LYRM4: variants seen among roughly 807,000 people sequenced by gnomAD.
LYRM4 encodes LYR motif-containing protein 4.
LYRM4 carries 9 observed loss-of-function variants against 11.7 expected under a neutral mutation model. The observed-to-expected ratio is 0.77, with a 90% CI of 0.46 to 1.34. The LOEUF is 1.34. Ranked by LOEUF, LYRM4 falls within the 40% of genes most tolerant of loss-of-function variation. The probability of loss-of-function intolerance (pLI) is 0.00; values close to 1 mark genes in which losing one functional copy is unlikely to be tolerated. For synonymous variants in LYRM4, 42 were observed against 40.4 expected (o/e 1.04, Z -0.15); for missense variants, 133 against 112.5 (o/e 1.18, Z -0.82).
In LYRM4 at chr6:5,260,587, C is replaced by T. The variant is rs1765001128; in HGVS notation, c.86+61G>A. ...TCCCCGGGGATATTCCGCGTCAGCC[C>T]GCACCCCCGGTCCCCGGCCCCTGGC... On this transcript the variant is annotated intron_variant, in intron 1 of 2. Coordinates refer to ENST00000330636, the MANE Select transcript of LYRM4 (RefSeq NM_020408.6). 32 of 1,303,588 alleles carry T rather than the reference C, an allele frequency of 2.5e-5. 2 individuals carry two copies. In the South Asian group the frequency reaches 3.9e-4, roughly 16 times the overall value. The allele number at this position is 1,303,588 out of a possible 1,614,324, so 80.8% of individuals were successfully genotyped here.
intron 1 of LYRM4, among the ~76,000 whole-genome samples, chr6:5,218,883 A>G (rs939463640): frequency 7.2e-5 from 11 of 152,250 alleles, no homozygotes; most frequent in African/African-American, 4.8e-5. Flanking sequence ...CCTAATGGCT[A>G]TTTATAAAAC....
the LYRM4 span, among the ~76,000 whole-genome samples, chr6:5,080,913 G>C: frequency 6.6e-6 from 1 of 152,128 alleles, no homozygotes; most frequent in Admixed American, 6.5e-5. Flanking sequence ...TGCAAATAGA[G>C]AAGAGACAAG....
At chr6:5,034,770 T>TTTTTTTTTTTTTTTTTTTTTTTTC in the LYRM4 span, 7 of 141,102 alleles carry the variant, frequency 5.0e-5, 1 homozygote, top group African/African-American at 1.9e-4. Context: ...TTTTTTTTTT[T>TTTTTTTTTTTTTTTTTTTTTTTTC]CAAAAAGCGT....
intron 2 of LYRM4, among the ~76,000 whole-genome samples, chr6:5,199,838 C>T (rs1442109694): frequency 6.6e-6 from 1 of 152,160 alleles, no homozygotes; most frequent in African/African-American, 2.4e-5. Context: ...TCCCAACAGC[C>T]ATTGCCTTGT....
At chr6:5,080,629 A>T in the LYRM4 span, among the ~76,000 whole-genome samples, 14 of 152,196 alleles carry the variant, frequency 9.2e-5, no homozygotes, top group Admixed American at 8.5e-4. Context: ...CAGCTGAAAC[A>T]TTTGGTAATT....
At chr6:5,086,836 G>A in the LYRM4 span, 1 of 495,544 alleles carries the variant, frequency 2.0e-6, no homozygotes, top group East Asian at 3.4e-5. Flanking sequence ...TTCCCAGCCT[G>A]CGTCAGAATA....
intron 2 of LYRM4, among the ~76,000 whole-genome samples, chr6:5,184,202 T>C (rs1306153492): frequency 1.3e-5 from 2 of 152,176 alleles, no homozygotes; most frequent in Non-Finnish European, 2.9e-5. Flanking sequence ...TTAACGATAA[T>C]GATCCCGAGA....
At chr6:5,125,234 G>C (rs1561813183) in intron 2 of LYRM4, among the ~76,000 whole-genome samples, 1 of 152,196 alleles carries the variant, frequency 6.6e-6, no homozygotes, top group Admixed American at 6.5e-5. Flanking sequence ...AACCTCCAGT[G>C]GTTTCTAGGA....
At chr6:5,207,783 T>C (rs1227999181) in intron 2 of LYRM4, among the ~76,000 whole-genome samples, 13 of 152,334 alleles carry the variant, frequency 8.5e-5, no homozygotes, top group African/African-American at 2.9e-4. Flanking sequence ...TTTTCTGATA[T>C]GTGATAAAGG....
At chr6:5,060,764 A>G in the LYRM4 span, among the ~76,000 whole-genome samples, 501 of 152,164 alleles carry the variant, frequency 3.3e-3, no homozygotes, top group African/African-American at 4.3e-3. Context: ...CTGACCTCAG[A>G]TGATCCACCT....
At chr6:5,077,586 T>A in the LYRM4 span, among the ~76,000 whole-genome samples, 1 of 152,190 alleles carries the variant, frequency 6.6e-6, no homozygotes, top group Non-Finnish European at 1.5e-5. Flanking sequence ...AGTTAAATTT[T>A]AAAAAACTAT....
the LYRM4 span, among the ~76,000 whole-genome samples, chr6:5,064,396 G>A: frequency 6.6e-6 from 1 of 151,922 alleles, no homozygotes; most frequent in African/African-American, 2.4e-5. Context: ...GCAGTTTTAG[G>A]TTTACAGAGA....
At chr6:5,199,648 T>C (rs1280759156) in intron 2 of LYRM4, among the ~76,000 whole-genome samples, 2 of 152,234 alleles carry the variant, frequency 1.3e-5, no homozygotes, top group Non-Finnish European at 2.9e-5. Context: ...GAACCTTGAA[T>C]GGCCCTGAAG....
intron 2 of LYRM4, among the ~76,000 whole-genome samples, chr6:5,192,030 T>C (rs532365827): frequency 1.3e-5 from 2 of 152,320 alleles, no homozygotes; most frequent in South Asian, 4.1e-4. Context: ...AGCTAATGCA[T>C]GCAATGCTTG....
At chr6:5,145,949 G>T (rs1757696435) in intron 2 of LYRM4, among the ~76,000 whole-genome samples, 1 of 152,156 alleles carries the variant, frequency 6.6e-6, no homozygotes, top group African/African-American at 2.4e-5. Context: ...TCTCTTGCTT[G>T]GATTAGGTTT....
At chr6:5,094,951 T>G in the LYRM4 span, among the ~76,000 whole-genome samples, 1 of 152,192 alleles carries the variant, frequency 6.6e-6, no homozygotes, top group African/African-American at 2.4e-5. Context: ...CACAGTAATT[T>G]ACTGTGTATT....
At chr6:5,143,752 C>A (rs536095024) in intron 2 of LYRM4, among the ~76,000 whole-genome samples, 1 of 151,682 alleles carries the variant, frequency 6.6e-6, no homozygotes, top group African/African-American at 2.4e-5. Flanking sequence ...CCAAAGGCTG[C>A]GGGAACAAAA....
chr6:5,103,900 T>C (rs937846432), downstream of LYRM4: 2 of 151,078 alleles, frequency 1.3e-5, no homozygotes, highest in Non-Finnish European at 2.9e-5. Context: ...CTTCCCAAAG[T>C]GCTGGGATTA....
the LYRM4 span, among the ~76,000 whole-genome samples, chr6:5,096,577 G>A: frequency 2.0e-5 from 3 of 152,208 alleles, no homozygotes; most frequent in African/African-American, 7.2e-5. Context: ...GAGGTGGCCT[G>A]TGTGGGGATG....
Sources: allele counts gnomAD v4.1 joint callset (sites outside exome capture counted in the v4.1 genomes callset), GRCh38; gene constraint gnomAD v4.1.1; transcripts MANE v1.5; gene names NCBI Gene and HGNC (gene_info 2026-07-23, HGNC 2026-07-21).